The following RBFOX3 variants were observed in gnomAD, a reference collection of about 807,000 sequenced individuals.
RBFOX3 encodes RNA binding fox-1 homolog 3.
A neutral mutation model predicts 48.7 loss-of-function variants in RBFOX3; 17 were observed. The observed-to-expected ratio is 0.35, with a 90% confidence interval of 0.24 to 0.52. RBFOX3 has a LOEUF of 0.52. Among genes scored for constraint, RBFOX3 ranks in the 20% least tolerant of loss-of-function variants. The pLI is 0.94. For missense variants in RBFOX3, 382 were observed against 497.5 expected (o/e 0.77, Z 2.21); for synonymous variants, 212 against 209.5 (o/e 1.01, Z -0.10).
rs369818738 is a variant in RBFOX3, at chr17:79,101,585, G to A, written c.567C>T (p.Asn189=). The change falls in exon 9 of 15, where the codon AAC becomes AAT. Residue 189 remains asparagine (N), a splice_region_variant and synonymous_variant. Coordinates refer to ENST00000693108, the MANE Select transcript of RBFOX3 (RefSeq NM_001350451.2). The part of the protein sequence containing the change: ...TNKKTGNPYT[N]GWKLNPVVGA... ...TTGTGGGGGGACCCAGCCCCTTACC[G>A]TTGGTGTAGGGGTTCCCCGTCTTCT... 305 of 1,550,398 alleles carry A rather than the reference G, an allele frequency of 2.0e-4. No homozygotes were observed. Among genetic ancestry groups the A allele is most frequent in the East Asian group, 6.8e-4 (28 of 40,902 alleles).
the RBFOX3 span, among the ~76,000 whole-genome samples, chr17:79,659,098 G>GC: frequency 6.6e-6 from 1 of 152,122 alleles, no homozygotes; most frequent in East Asian, 1.9e-4. Context: ...GACGTGAGTG[G>GC]CCGCCTTGGT....
At chr17:79,217,377 G>C (rs1021740667) in intron 4 of RBFOX3, among the ~76,000 whole-genome samples, 1 of 152,178 alleles carries the variant, frequency 6.6e-6, no homozygotes, top group African/African-American at 2.4e-5. Flanking sequence ...GCTGCTTCAG[G>C]GGATACCCCT....
At chr17:79,455,270 G>A (rs1427204823) in intron 2 of RBFOX3, among the ~76,000 whole-genome samples, 2 of 152,206 alleles carry the variant, frequency 1.3e-5, no homozygotes, top group African/African-American at 4.8e-5. Flanking sequence ...TGACGGGGGA[G>A]CGGAGAGGGG....
intron 2 of RBFOX3, among the ~76,000 whole-genome samples, chr17:79,333,143 A>G (rs2014996): frequency 0.95 from 144,484 of 152,156 alleles, 69,045 homozygotes; most frequent in East Asian, 1. Context: ...AGGACAGGCC[A>G]GGGGAGACCC....
intron 1 of RBFOX3, among the ~76,000 whole-genome samples, chr17:79,530,420 C>T (rs1197570217): frequency 2.6e-5 from 4 of 152,284 alleles, no homozygotes; most frequent in South Asian, 4.1e-4. Context: ...GTATGAAATG[C>T]GTAAGGCCCA....
At chr17:79,313,060 G>C (rs895517155) in intron 2 of RBFOX3, among the ~76,000 whole-genome samples, 5 of 152,196 alleles carry the variant, frequency 3.3e-5, no homozygotes, top group African/African-American at 1.2e-4. Flanking sequence ...CCCAAACCCA[G>C]GGCATCTGGC....
rs2078100256 is a variant in RBFOX3, at chr17:79,477,547, CTCCG to C, written c.-175+4903_-175+4906del. Among the ~76,000 whole-genome samples, 1 of 147,142 alleles carries C rather than the reference CTCCG, an allele frequency of 6.8e-6. No individual in the cohort carries two copies. Among genetic ancestry groups the C allele is most frequent in the Non-Finnish European group, 1.5e-5 (1 of 67,236 alleles). On this transcript the variant is annotated intron_variant, in intron 2 of 14. Coordinates refer to ENST00000693108, the MANE Select transcript of RBFOX3 (RefSeq NM_001350451.2). This position sits in a 1 kb window ranked among gnomAD's most constrained non-coding sequence, Gnocchi z 4.8. ...CTCCAGCCTGGGCGACAGAGCGAAA[CTCCG>C]TCACCGGAAAAAAAAAAAGAGGAGG...
chr17:79,129,709 G>A (rs570705677), intron 4 of RBFOX3, among the ~76,000 whole-genome samples: 127 of 152,386 alleles, frequency 8.3e-4, no homozygotes, highest in South Asian at 4.1e-3. Context: ...AACTGGCTCC[G>A]TGGGGAAAAG....
chr17:79,552,966 G>A, intron 1 of RBFOX3, among the ~76,000 whole-genome samples: 1 of 152,218 alleles, frequency 6.6e-6, no homozygotes, highest in East Asian at 1.9e-4. Flanking sequence ...AATACTTTTA[G>A]CCCCTCCTTT....
At chr17:79,274,933 C>A (rs1034045261) in intron 3 of RBFOX3, among the ~76,000 whole-genome samples, 1 of 151,524 alleles carries the variant, frequency 6.6e-6, no homozygotes, top group East Asian at 2.0e-4. Context: ...ATTTTCACCC[C>A]CTCCCCACAC....
intron 9 of RBFOX3, chr17:79,100,554 T>A (rs1455470279): frequency 1.3e-5 from 2 of 152,142 alleles, no homozygotes; most frequent in Non-Finnish European, 2.9e-5. Flanking sequence ...CAGGCTTCCA[T>A]GCTGGTTGTC....
intron 2 of RBFOX3, among the ~76,000 whole-genome samples, chr17:79,396,583 G>A (rs2062019993): frequency 6.6e-6 from 1 of 152,032 alleles, no homozygotes; most frequent in Non-Finnish European, 1.5e-5. Context: ...TGCCCACCCT[G>A]CTCTCTAAGT....
intron 4 of RBFOX3, among the ~76,000 whole-genome samples, chr17:79,197,686 C>T (rs1208102913): frequency 6.6e-6 from 1 of 152,112 alleles, no homozygotes; most frequent in African/African-American, 2.4e-5. Flanking sequence ...TGAGCCACCT[C>T]CCAAGCCCAG....
chr17:79,306,379 G>C (rs1020938398), intron 3 of RBFOX3, among the ~76,000 whole-genome samples: 2 of 152,266 alleles, frequency 1.3e-5, no homozygotes, highest in Admixed American at 6.5e-5. Flanking sequence ...TGGCCCGCAC[G>C]CGTGTGACTC....
chr17:79,579,204 C>T (rs893354122), intron 1 of RBFOX3, among the ~76,000 whole-genome samples: 2 of 152,134 alleles, frequency 1.3e-5, no homozygotes, highest in Admixed American at 6.5e-5. Context: ...GGCACAGACC[C>T]GACTGGGCTC....
At chr17:79,340,119 T>C (rs2081828971) in intron 2 of RBFOX3, among the ~76,000 whole-genome samples, 1 of 151,950 alleles carries the variant, frequency 6.6e-6, no homozygotes, top group Admixed American at 6.6e-5. Flanking sequence ...ACGAACATGG[T>C]GAAACCCTGT....
chr17:79,606,861 C>A (rs1332699424), intron 1 of RBFOX3, among the ~76,000 whole-genome samples: 2 of 151,994 alleles, frequency 1.3e-5, no homozygotes, highest in African/African-American at 4.8e-5. Context: ...TAAGCATCCG[C>A]GCCACTCAGA....
chr17:79,333,765 G>A (rs1303390152), intron 2 of RBFOX3, among the ~76,000 whole-genome samples: 1 of 152,110 alleles, frequency 6.6e-6, no homozygotes, highest in Non-Finnish European at 1.5e-5. Context: ...CCAGCTCCCT[G>A]ATCCCATCCT....
rs920527208 is a variant in RBFOX3 at position 79,477,125 on chromosome 17, C to G, written c.-175+5329G>C. ...GTGGGCGCCTGTAATCCCAGTTACT[C>G]GGGAAGCTGAGGCAGGAGAATCTCT... is the stretch of plus-strand genomic sequence containing the variant. On this transcript the variant is annotated intron_variant, in intron 2 of 14. Transcript: ENST00000693108. The surrounding 1 kb of genome is among the most constrained non-coding windows in gnomAD (Gnocchi z 4.8). Among the ~76,000 whole-genome samples, 63 of 149,226 alleles carry G rather than the reference C, an allele frequency of 4.2e-4. No homozygotes were observed. The highest frequency in any genetic ancestry group is 7.3e-4 in the Non-Finnish European group (49 of 67,294).
Sources: allele counts gnomAD v4.1 joint callset (sites outside exome capture counted in the v4.1 genomes callset), GRCh38; gene constraint gnomAD v4.1.1; non-coding constraint Gnocchi (gnomAD v3.1); transcripts MANE v1.5; gene names NCBI Gene and HGNC (gene_info 2026-07-23, HGNC 2026-07-21).